Variants in GJC1 observed in about 807,000 individuals in gnomAD.
GJC1 encodes the protein gap junction gamma-1 protein.
In GJC1, 5 loss-of-function variants were observed where a neutral mutation model predicts 29.3. That is an observed-to-expected ratio of 0.17 (90% CI 0.09 to 0.36). The LOEUF (loss-of-function observed/expected upper bound fraction) is 0.36. Ranked by LOEUF, GJC1 falls within the 10% of genes least tolerant of loss-of-function variation. The pLI is 1.00. For missense variants in GJC1, 310 were observed against 496.2 expected (o/e 0.62, Z 3.56); for synonymous variants, 177 against 183.3 (o/e 0.97, Z 0.28).
chr17:44,828,554 G>A (rs2050198905), intron 1 of GJC1, among the ~76,000 whole-genome samples: 1 of 152,020 alleles, frequency 6.6e-6, no homozygotes, highest in African/African-American at 2.4e-5. Context: ...CAGCACTCTG[G>A]GCACAAAAAT....
intron 1 of GJC1, among the ~76,000 whole-genome samples, chr17:44,809,011 T>G (rs554724645): frequency 2.0e-5 from 3 of 151,570 alleles, no homozygotes; most frequent in East Asian, 1.9e-4. Context: ...GAGGGGGAGG[T>G]GGAGGTTGCG....
rs1238833670 is a variant in GJC1, at chr17:44,807,431, G to A, written c.-58C>T. 6.6e-6 allele frequency: 1 copy of A among 152,196 alleles called. No individual in the cohort carries two copies. Among genetic ancestry groups the A allele is most frequent in the East Asian group, 1.9e-4 (1 of 5,194 alleles). 9.4% of individuals were successfully genotyped at this position (152,196 alleles called of 1,614,324 possible). On this transcript the variant is annotated 5_prime_UTR_variant, in exon 2 of 3. Coordinates refer to ENST00000592524, the MANE Select transcript of GJC1 (RefSeq NM_005497.4). Reference sequence around the variant, plus strand: ...ACTTCGGTTACCCAAAATTTTCTTAGAGAAATGATGTTTTGATTGCAATTT... The same window carrying A: ...ACTTCGGTTACCCAAAATTTTCTTAAAGAAATGATGTTTTGATTGCAATTT...
chr17:44,824,956 T>C (rs2050156676), intron 1 of GJC1, among the ~76,000 whole-genome samples: 1 of 147,914 alleles, frequency 6.8e-6, no homozygotes, highest in Non-Finnish European at 1.5e-5. Flanking sequence ...TGCCTTGGCC[T>C]GTAATCCCCA....
intron 1 of GJC1, among the ~76,000 whole-genome samples, chr17:44,824,852 G>C (rs573104780): frequency 2.5e-4 from 34 of 135,118 alleles, no homozygotes; most frequent in African/African-American, 3.5e-4. Context: ...TAGTGAGAAG[G>C]GGGGGAAAGA....
At chr17:44,823,248 G>GTTTTTTT (rs10710605) in intron 1 of GJC1, among the ~76,000 whole-genome samples, 10 of 117,782 alleles carry the variant, frequency 8.5e-5, no homozygotes, top group African/African-American at 3.3e-4. Flanking sequence ...TTTCTTTCCT[G>GTTTTTTT]TTTTTTTTTT....
At chr17:44,809,252 C>G (rs1173269905) in intron 1 of GJC1, among the ~76,000 whole-genome samples, 3 of 152,184 alleles carry the variant, frequency 2.0e-5, no homozygotes, top group Non-Finnish European at 4.4e-5. Context: ...GAGAGGGAGA[C>G]TCTAACACAA....
downstream of GJC1, among the ~76,000 whole-genome samples, chr17:44,796,169 C>T (rs926492043): frequency 6.6e-6 from 1 of 152,204 alleles, no homozygotes. Context: ...CAGGAAATGC[C>T]AGTCCTCACC....
At chr17:44,829,353 T>C (rs1389620834) in intron 1 of GJC1, among the ~76,000 whole-genome samples, 1 of 152,160 alleles carries the variant, frequency 6.6e-6, no homozygotes, top group Non-Finnish European at 1.5e-5. Context: ...CTCTTAATTT[T>C]GAAGCTAGAG....
At chr17:44,815,628 C>T (rs1286497489) in intron 1 of GJC1, among the ~76,000 whole-genome samples, 1 of 152,012 alleles carries the variant, frequency 6.6e-6, no homozygotes, top group African/African-American at 2.4e-5. Context: ...CAGTAGGATA[C>T]GTTCCCCCTC....
intron 1 of GJC1, among the ~76,000 whole-genome samples, chr17:44,815,959 A>T (rs2050037495): frequency 6.6e-6 from 1 of 151,654 alleles, no homozygotes; most frequent in Non-Finnish European, 1.5e-5. Context: ...TAAAAATACA[A>T]AAAATTAGCC....
chr17:44,798,018 G>C (rs191619475), downstream of GJC1, among the ~76,000 whole-genome samples: 1 of 152,312 alleles, frequency 6.6e-6, no homozygotes, highest in East Asian at 1.9e-4. Context: ...CTGCCGCAAA[G>C]GGTCCCTTGC....
chr17:44,808,246 A>C (rs1209112474), intron 1 of GJC1, among the ~76,000 whole-genome samples: 5 of 152,094 alleles, frequency 3.3e-5, no homozygotes, highest in African/African-American at 4.8e-5. Context: ...AAACTGGAAC[A>C]ATTTCCAAAG....
At position 44,804,868 on chromosome 17, in the gene GJC1, T is replaced by C; in HGVS notation, c.950A>G (p.Asn317Ser). Residue 317 changes from asparagine to serine, a missense_variant, in exon 3 of 3, where the codon AAC (asparagine) becomes AGC (serine). By Grantham distance (46) the Asn-to-Ser change is conservative. Coordinates refer to ENST00000592524, the MANE Select transcript of GJC1 (RefSeq NM_005497.4). ...AKIAYKQNKANTAQEQQYGSH... is the reference protein window; with the variant it reads ...AKIAYKQNKASTAQEQQYGSH... The stretch of plus-strand genomic sequence containing the variant: ...GCCATACTGCTGTTCCTGGGCTGTG[T>C]TGGCCTTGTTTTGCTTGTAGGCGAT... 1 of 1,614,230 alleles carries C rather than the reference T, an allele frequency of 6.2e-7. No individual in the cohort carries two copies. The highest frequency in any genetic ancestry group is 8.5e-7 in the Non-Finnish European group (1 of 1,180,040).
chr17:44,812,610 A>G (rs2049996734), intron 1 of GJC1, among the ~76,000 whole-genome samples: 1 of 152,054 alleles, frequency 6.6e-6, no homozygotes, highest in Admixed American at 6.6e-5. Flanking sequence ...ACTCTTTCCA[A>G]ATAACACTAA....
intron 1 of GJC1, among the ~76,000 whole-genome samples, chr17:44,828,502 C>T (rs1358315973): frequency 6.6e-6 from 1 of 152,170 alleles, no homozygotes; most frequent in Non-Finnish European, 1.5e-5. Context: ...AACAGACCTT[C>T]CATACAACTT....
intron 1 of GJC1, among the ~76,000 whole-genome samples, chr17:44,809,794 T>C (rs1243625138): frequency 6.6e-6 from 1 of 152,138 alleles, no homozygotes; most frequent in Admixed American, 6.5e-5. Context: ...CTTGAACTCC[T>C]GACCTCAGGT....
At chr17:44,822,013 C>G (rs1437823609) in intron 1 of GJC1, among the ~76,000 whole-genome samples, 3 of 151,010 alleles carry the variant, frequency 2.0e-5, no homozygotes, top group African/African-American at 7.3e-5. Context: ...CTGGCTAACA[C>G]TGTGAAATCC....
chr17:44,808,259 A>T (rs1266662683), intron 1 of GJC1, among the ~76,000 whole-genome samples: 1 of 152,166 alleles, frequency 6.6e-6, no homozygotes, highest in Non-Finnish European at 1.5e-5. Context: ...TTCCAAAGGA[A>T]CAATGGAAAA....
downstream of GJC1, among the ~76,000 whole-genome samples, chr17:44,795,339 T>C (rs752453665): frequency 6.6e-6 from 1 of 151,020 alleles, no homozygotes; most frequent in Non-Finnish European, 1.5e-5. Context: ...ATTCAAACAA[T>C]TCTCTTGCCT....
Sources: allele counts gnomAD v4.1 joint callset (sites outside exome capture counted in the v4.1 genomes callset), GRCh38; gene constraint gnomAD v4.1.1; transcripts MANE v1.5; gene names NCBI Gene and HGNC (gene_info 2026-07-23, HGNC 2026-07-21).